PDK1: variants seen among roughly 807,000 people sequenced by gnomAD.
PDK1 encodes pyruvate dehydrogenase kinase 1.
A neutral mutation model predicts 54.2 loss-of-function variants in PDK1; 39 were observed. That is an observed-to-expected ratio of 0.72 (90% confidence interval 0.56 to 0.94). The LOEUF is 0.94. PDK1 is among the 40% of genes least tolerant of loss of function. The probability of loss-of-function intolerance (pLI) is 0.00; values close to 1 mark genes in which losing one functional copy is unlikely to be tolerated. For missense variants in PDK1, 552 were observed against 566.0 expected (o/e 0.98, Z 0.25); for synonymous variants, 221 against 207.1 (o/e 1.07, Z -0.58).
At chr2:172,650,798 G>A in the PDK1 span, among the ~76,000 whole-genome samples, 996 of 152,270 alleles carry the variant, frequency 6.5e-3, 10 homozygotes, top group African/African-American at 0.022. Context: ...AAATAAATAT[G>A]CACCCAATAC....
At chr2:172,626,071 T>C in the PDK1 span, among the ~76,000 whole-genome samples, 1 of 152,220 alleles carries the variant, frequency 6.6e-6, no homozygotes, top group Non-Finnish European at 1.5e-5. Context: ...TAACATTTTT[T>C]TCTTTCCTTG....
the PDK1 span, among the ~76,000 whole-genome samples, chr2:172,628,833 A>C: frequency 6.6e-6 from 1 of 152,136 alleles, no homozygotes; most frequent in Admixed American, 6.6e-5. Context: ...TACTGTCTTA[A>C]TGTTGTGGGC....
At chr2:172,557,721 C>G (rs1049868941) in intron 1 of PDK1, among the ~76,000 whole-genome samples, 4 of 151,630 alleles carry the variant, frequency 2.6e-5, no homozygotes, top group Non-Finnish European at 4.4e-5. Flanking sequence ...CTCAAGCCAT[C>G]CTCCCACCTC....
the PDK1 span, among the ~76,000 whole-genome samples, chr2:172,648,168 C>G: frequency 6.6e-6 from 1 of 151,992 alleles, no homozygotes; most frequent in African/African-American, 2.4e-5. Flanking sequence ...GTAGGAAACC[C>G]GATAAAATTT....
chr2:172,573,062 T>C (rs1233259016), intron 8 of PDK1, among the ~76,000 whole-genome samples: 1 of 152,234 alleles, frequency 6.6e-6, no homozygotes, highest in African/African-American at 2.4e-5. Flanking sequence ...TGAATGTTTG[T>C]GTACAAATTA....
Position 172,558,822 on chromosome 2 carries a change from C to A in PDK1, c.311C>A (p.Thr104Lys). 6.2e-7 allele frequency: 1 copy of A among 1,612,140 alleles called. No homozygotes were observed. The highest frequency in any genetic ancestry group is 8.5e-7 in the Non-Finnish European group (1 of 1,179,200). Reference protein sequence around the residue: ...ISLLPDNLLRTPSVQLVQSWY... With the variant: ...ISLLPDNLLRKPSVQLVQSWY... ...CTCCTTCCAGATAATCTTCTCAGGACACCATCCGTTCAATTGGTACAAAGC... is the reference window on the plus strand; with the variant it reads ...CTCCTTCCAGATAATCTTCTCAGGAAACCATCCGTTCAATTGGTACAAAGC... The change falls in exon 2 of 11, where the codon ACA (threonine) becomes AAA (lysine). Residue 104 changes from threonine to lysine, a missense_variant. By Grantham distance (78) the Thr-to-Lys change is moderately conservative. Transcript: ENST00000282077.
the PDK1 span, among the ~76,000 whole-genome samples, chr2:172,645,240 T>G: frequency 7.0e-6 from 1 of 143,252 alleles, no homozygotes; most frequent in Admixed American, 7.3e-5. Flanking sequence ...GGCTTAGCAA[T>G]GTACACAGTA....
At chr2:172,648,574 C>T in the PDK1 span, among the ~76,000 whole-genome samples, 1 of 152,172 alleles carries the variant, frequency 6.6e-6, no homozygotes, top group Admixed American at 6.5e-5. Flanking sequence ...AGGGAATTCC[C>T]TTTCCTAGCA....
the PDK1 span, among the ~76,000 whole-genome samples, chr2:172,675,781 A>G: frequency 6.6e-6 from 1 of 152,228 alleles, no homozygotes; most frequent in African/African-American, 2.4e-5. Context: ...ACAAATTTTC[A>G]ATTTAGAAAA....
At chr2:172,700,306 G>A in the PDK1 span, among the ~76,000 whole-genome samples, 652 of 147,948 alleles carry the variant, frequency 4.4e-3, 5 homozygotes, top group African/African-American at 0.016. Flanking sequence ...CGGGCAGAGG[G>A]GCTCCTCACT....
chr2:172,703,766 CTT>C, the PDK1 span, among the ~76,000 whole-genome samples: 209 of 89,096 alleles, frequency 2.3e-3, no homozygotes, highest in African/African-American at 8.3e-3. Context: ...TTCTTTCTTT[CTT>C]TTTTTTTTTT....
the PDK1 span, among the ~76,000 whole-genome samples, chr2:172,703,829 G>T: frequency 7.6e-6 from 1 of 130,888 alleles, no homozygotes. Context: ...CTGGCATGCA[G>T]TTGTGCGATC....
chr2:172,711,865 CAAAAAA>C, the PDK1 span, among the ~76,000 whole-genome samples: 95 of 22,776 alleles, frequency 4.2e-3, 1 homozygote, highest in Admixed American at 0.065. Flanking sequence ...GAACCTAGCT[CAAAAAA>C]AAAAAAAAAA....
At chr2:172,664,637 T>A in the PDK1 span, among the ~76,000 whole-genome samples, 1 of 152,108 alleles carries the variant, frequency 6.6e-6, no homozygotes, top group Non-Finnish European at 1.5e-5. Flanking sequence ...CTGTTTTTTC[T>A]TCTTCAGGAA....
chr2:172,556,058 G>GA, upstream of PDK1: 6 of 982,392 alleles, frequency 6.1e-6, no homozygotes, highest in Non-Finnish European at 8.2e-6. Context: ...GCCGATCCCC[G>GA]CCCCTGCTGC....
chr2:172,613,892 G>A, the PDK1 span, among the ~76,000 whole-genome samples: 1 of 151,968 alleles, frequency 6.6e-6, no homozygotes, highest in Non-Finnish European at 1.5e-5. Flanking sequence ...CCGCCCTCCT[G>A]GGCTCCTCAA....
the PDK1 span, among the ~76,000 whole-genome samples, chr2:172,713,721 AG>A: frequency 2.0e-5 from 3 of 152,222 alleles, no homozygotes; most frequent in African/African-American, 7.2e-5. Context: ...GGCCTCCAGA[AG>A]CACAGGGATG....
the PDK1 span, among the ~76,000 whole-genome samples, chr2:172,680,506 C>T: frequency 1.3e-5 from 2 of 152,054 alleles, no homozygotes; most frequent in African/African-American, 2.4e-5. Flanking sequence ...CATGCACCAC[C>T]ATGCCCACTA....
chr2:172,685,643 A>G, the PDK1 span, among the ~76,000 whole-genome samples: 1 of 152,236 alleles, frequency 6.6e-6, no homozygotes, highest in South Asian at 2.1e-4. Context: ...GCATACTATA[A>G]TTGATCATTG....
Sources: allele counts gnomAD v4.1 joint callset (sites outside exome capture counted in the v4.1 genomes callset), GRCh38; gene constraint gnomAD v4.1.1; transcripts MANE v1.5; gene names NCBI Gene and HGNC (gene_info 2026-07-23, HGNC 2026-07-21).